Variants in GNG4 observed in about 807,000 individuals in gnomAD.
GNG4 encodes the protein G protein subunit gamma 4, also known as guanine nucleotide-binding protein G(I)/G(S)/G(O) subunit gamma-4.
A neutral mutation model predicts 5.8 loss-of-function variants in GNG4; 4 were observed. The ratio of observed to expected loss-of-function variants is 0.69; its 90% CI spans 0.34 to 1.57. The LOEUF is 1.57. Among genes scored for constraint, GNG4 ranks in the 40% most tolerant of loss-of-function variants. The pLI is 0.06. For missense variants in GNG4, 96 were observed against 95.1 expected (o/e 1.01, Z -0.04); for synonymous variants, 29 against 32.9 (o/e 0.88, Z 0.41).
intron 3 of GNG4, among the ~76,000 whole-genome samples, chr1:235,560,240 T>A (rs945111207): frequency 6.6e-6 from 1 of 152,194 alleles, no homozygotes; most frequent in Non-Finnish European, 1.5e-5. Flanking sequence ...CCCAAAAGCA[T>A]GTTCTGGAAA....
At position 235,648,445 on chromosome 1, in the gene GNG4, G is replaced by C. The variant is rs764064923; in HGVS notation, c.-123+1217C>G. On this transcript the variant is annotated intron_variant, in intron 1 of 3. Coordinates refer to ENST00000391854, the MANE Select transcript of GNG4 (RefSeq NM_001098722.2). This position sits in a 1 kb window ranked among gnomAD's most constrained non-coding sequence, Gnocchi z 5.0. ...AAAAGGCTTTCCATTTATCAACTTA[G>C]TTGTCCCCCCAGTCGCCTCTTGCAG... Among the ~76,000 whole-genome samples, 2 of 152,154 alleles carry C rather than the reference G, an allele frequency of 1.3e-5. No homozygotes were observed. The highest frequency in any genetic ancestry group is 2.9e-5 in the Non-Finnish European group (2 of 68,028).
At chr1:235,566,883 C>T (rs1687210475) in intron 3 of GNG4, 1 of 152,194 alleles carries the variant, frequency 6.6e-6, no homozygotes, top group Admixed American at 6.6e-5. Flanking sequence ...GTTCTGAATG[C>T]TCTATAGCGA....
rs1233277338 is a variant in GNG4 at position 235,593,575 on chromosome 1, C to G, written c.-11+1825G>C. On this transcript the variant is annotated intron_variant, in intron 2 of 3. Transcript: ENST00000391854. ...CCAACTTCAAGAATGAAGCTGCGGA[C>G]CCGCGCCGTGAGTGTTACAATTCTC... Among the ~76,000 whole-genome samples the G allele has an allele frequency of 3.3e-5, 5 of 152,204 alleles. No individual in the cohort carries two copies. In the East Asian group the frequency reaches 9.6e-4, roughly 29 times the overall value.
At chr1:235,625,846 A>G (rs1688798533) in intron 1 of GNG4, among the ~76,000 whole-genome samples, 1 of 152,184 alleles carries the variant, frequency 6.6e-6, no homozygotes, top group Admixed American at 6.5e-5. Flanking sequence ...ACTGAAGAAC[A>G]TCTTGGTTGC....
rs1434178526 is a variant in GNG4, at chr1:235,642,457, G to A, written c.-123+7205C>T. Among the ~76,000 whole-genome samples, 4 of 152,296 alleles carry A rather than the reference G, an allele frequency of 2.6e-5. No homozygotes were observed. The East Asian group carries it at 7.7e-4, about 29-fold the overall frequency. Reference sequence around the variant, plus strand: ...GCAGCAAGAGACGGGTGCTAACAGCGTCCGAGCCAATCCGTAAGCATCAGA... The same window carrying A: ...GCAGCAAGAGACGGGTGCTAACAGCATCCGAGCCAATCCGTAAGCATCAGA... On this transcript the variant is annotated intron_variant, in intron 1 of 3. Coordinates refer to ENST00000391854, the MANE Select transcript of GNG4 (RefSeq NM_001098722.2). This position sits in a 1 kb window ranked among gnomAD's most constrained non-coding sequence, Gnocchi z 4.3.
chr1:235,619,790 A>C (rs1688669053), intron 1 of GNG4, among the ~76,000 whole-genome samples: 1 of 152,158 alleles, frequency 6.6e-6, no homozygotes, highest in Non-Finnish European at 1.5e-5. Context: ...ATGACTCTGG[A>C]AGATTTTGCT....
intron 1 of GNG4, among the ~76,000 whole-genome samples, chr1:235,632,831 A>G (rs3934482): frequency 0.039 from 5,971 of 152,330 alleles, 380 homozygotes; most frequent in African/African-American, 0.14. Context: ...AGCAAAAAGA[A>G]AAAGAAAAAA....
At chr1:235,556,016 G>A (rs1362591189) in intron 3 of GNG4, among the ~76,000 whole-genome samples, 3 of 151,758 alleles carry the variant, frequency 2.0e-5, no homozygotes, top group Non-Finnish European at 4.4e-5. Flanking sequence ...ACAGGCTCCT[G>A]CCACCATGCC....
intron 3 of GNG4, among the ~76,000 whole-genome samples, chr1:235,562,158 T>C (rs1189770229): frequency 1.3e-5 from 2 of 152,134 alleles, no homozygotes; most frequent in Non-Finnish European, 2.9e-5. Context: ...TCTGTTCCAC[T>C]GACCTACACG....
chr1:235,582,884 C>T (rs1347252593), intron 3 of GNG4, among the ~76,000 whole-genome samples: 1 of 152,134 alleles, frequency 6.6e-6, no homozygotes, highest in Non-Finnish European at 1.5e-5. Context: ...GAATAACTGT[C>T]CACACAGAGG....
rs568283458 is a variant in GNG4 at position 235,573,222 on chromosome 1, CA to C, written c.99+10517del. Among the ~76,000 whole-genome samples, 320 of 150,554 alleles carry C rather than the reference CA, an allele frequency of 2.1e-3. 2 individuals are homozygous for C. The highest frequency in any genetic ancestry group is 6.8e-3 in the Middle Eastern group (2 of 294). On this transcript the variant is annotated intron_variant, in intron 3 of 3. Coordinates refer to ENST00000391854, the MANE Select transcript of GNG4 (RefSeq NM_001098722.2). ...AACCATCATTCTGAGCAAACTATCGCAAGGACAGAAAACCAAACGCCGCATG... is the reference window on the plus strand; with the variant it reads ...AACCATCATTCTGAGCAAACTATCGCAGGACAGAAAACCAAACGCCGCATG...
At chr1:235,598,263 C>T (rs1289295425) in intron 1 of GNG4, among the ~76,000 whole-genome samples, 3 of 152,156 alleles carry the variant, frequency 2.0e-5, no homozygotes, top group Non-Finnish European at 4.4e-5. Context: ...CTATAGGCAA[C>T]CAGAGCTTCT....
At chr1:235,554,845 C>CAAAA (rs34093722) in intron 3 of GNG4, among the ~76,000 whole-genome samples, 5 of 84,400 alleles carry the variant, frequency 5.9e-5, no homozygotes, top group South Asian at 4.2e-4. Flanking sequence ...AACTCCATCT[C>CAAAA]AAAAAAAAAA....
chr1:235,579,505 A>G (rs1174443029), intron 3 of GNG4, among the ~76,000 whole-genome samples: 2 of 151,946 alleles, frequency 1.3e-5, no homozygotes, highest in African/African-American at 2.4e-5. Flanking sequence ...ACTGCTGGTG[A>G]TGACGTGACG....
chr1:235,554,845 C>CA lies in GNG4; in HGVS notation c.100-2609dup, dbSNP rs34093722. Reference sequence around the variant, plus strand: ...GGGCAACAAGAGTGAAACTCCATCTCAAAAAAAAAAAAAAAAAAAAAGAAC... The same window carrying CA: ...GGGCAACAAGAGTGAAACTCCATCTCAAAAAAAAAAAAAAAAAAAAAAGAAC... On this transcript the variant is annotated intron_variant, in intron 3 of 3. Transcript: ENST00000391854. 9.3e-3 allele frequency among the ~76,000 whole-genome samples: 785 copies of CA among 84,294 alleles called. 10 individuals carry two copies. The highest frequency in any genetic ancestry group is 0.028 in the South Asian group (66 of 2,392). The allele number at this position is 84,294 out of a possible 152,430, so 55.3% of individuals were successfully genotyped here.
intron 1 of GNG4, among the ~76,000 whole-genome samples, chr1:235,602,974 T>G (rs1688287001): frequency 6.6e-6 from 1 of 151,974 alleles, no homozygotes. Context: ...GAGGGCCGGG[T>G]GCGGTTGCTC....
chr1:235,631,884 T>G (rs986134869), intron 1 of GNG4, among the ~76,000 whole-genome samples: 1 of 152,010 alleles, frequency 6.6e-6, no homozygotes, highest in African/African-American at 2.4e-5. Context: ...TTCTAATTCC[T>G]ATGAGTGGCA....
At chr1:235,556,239 G>T (rs563308889) in intron 3 of GNG4, among the ~76,000 whole-genome samples, 2 of 151,776 alleles carry the variant, frequency 1.3e-5, no homozygotes, top group African/African-American at 2.4e-5. Flanking sequence ...AGGCACAAAG[G>T]TTAAGAAGGT....
chr1:235,556,055 T>TG (rs1015947527), intron 3 of GNG4, among the ~76,000 whole-genome samples: 67 of 151,878 alleles, frequency 4.4e-4, no homozygotes, highest in African/African-American at 1.5e-3. Flanking sequence ...TTGGTAGAGA[T>TG]GGGGTTTCTC....
Sources: allele counts gnomAD v4.1 joint callset (sites outside exome capture counted in the v4.1 genomes callset), GRCh38; gene constraint gnomAD v4.1.1; non-coding constraint Gnocchi (gnomAD v3.1); transcripts MANE v1.5; gene names NCBI Gene and HGNC (gene_info 2026-07-23, HGNC 2026-07-21).